Variants in C9orf152 observed in about 807,000 individuals in gnomAD.
C9orf152 encodes chromosome 9 open reading frame 152.
In C9orf152, 8 loss-of-function variants were observed where a neutral mutation model predicts 8.5. The observed-to-expected ratio is 0.94, with a 90% CI of 0.55 to 1.70. The LOEUF is 1.70. C9orf152 is among the 40% of genes most tolerant of loss of function. C9orf152 has a pLI of 0.00. For missense variants in C9orf152, 293 were observed against 286.2 expected (o/e 1.02, Z -0.17); for synonymous variants, 109 against 113.0 (o/e 0.96, Z 0.22).
At chr9:110,205,084 T>C (rs1837259472) in intron 1 of C9orf152, among the ~76,000 whole-genome samples, 1 of 152,216 alleles carries the variant, frequency 6.6e-6, no homozygotes, top group African/African-American at 2.4e-5. Flanking sequence ...CAGTTTCTTA[T>C]CAATTTACAC....
At chr9:110,201,646 A>T (rs570450829) in intron 1 of C9orf152, among the ~76,000 whole-genome samples, 172 bp from the exon 2 acceptor site, 2 of 152,274 alleles carry the variant, frequency 1.3e-5, no homozygotes, top group East Asian at 3.9e-4. Flanking sequence ...GCTCACACAC[A>T]TGCCCTTTTA....
At position 110,201,307 on chromosome 9, in the gene C9orf152, G is replaced by A; in HGVS notation, c.361C>T (p.Leu121=). The change falls in exon 2 of 2, where the codon CTG becomes TTG. Residue 121 remains leucine (L), a synonymous_variant. Transcript: ENST00000400613. Reference sequence around the variant, plus strand: ...GTTTGGACCAAACAATGCATCTCCAGGTGCGTGTGCCATGGAGACTTGGGG... The same window carrying A: ...GTTTGGACCAAACAATGCATCTCCAAGTGCGTGTGCCATGGAGACTTGGGG... ...QAPKSPWHTH[L]EMHCLVQTSP... is the part of the protein sequence containing the mutation. The A allele has an allele frequency of 6.2e-7, 1 of 1,613,822 alleles. No homozygotes were observed. Among genetic ancestry groups the A allele is most frequent in the Non-Finnish European group, 8.5e-7 (1 of 1,179,850 alleles).
rs1837206955 is a variant in C9orf152 at position 110,200,821 on chromosome 9, A to G, written c.*127T>C. 4 of 961,554 alleles carry G rather than the reference A, an allele frequency of 4.2e-6. No individual in the cohort carries two copies. The highest frequency in any genetic ancestry group is 6.3e-6 in the Non-Finnish European group (4 of 639,908). 59.6% of individuals were successfully genotyped at this position (961,554 alleles called of 1,614,324 possible). A position where few individuals can be genotyped will look rare whatever the true frequency, so the allele number is the denominator to read the frequency against. ...ACCATTGTGAAGTTCGTCTCCCACA[A>G]TTCCTATAATTAGGTTAGTCCAGTT... On this transcript the variant is annotated 3_prime_UTR_variant, in exon 2 of 2. Coordinates refer to ENST00000400613, the MANE Select transcript of C9orf152 (RefSeq NM_001012993.3).
In C9orf152 at chr9:110,201,327, T is replaced by G. The variant is rs573275088; in HGVS notation, c.341A>C (p.Lys114Thr). 1.9e-6 allele frequency: 3 copies of G among 1,612,904 alleles called. No homozygotes were observed. In the South Asian group the frequency reaches 3.3e-5, roughly 18 times the overall value. ...EAAQGCLQAP[K>T]SPWHTHLEMH... ...CTCCAGGTGCGTGTGCCATGGAGAC[T>G]TGGGGGCCTGAAGGCAGCCCTGGGC... Residue 114 changes from lysine to threonine, a missense_variant, in exon 2 of 2, where the codon AAG (lysine) becomes ACG (threonine). Physicochemically the swap from Lys to Thr is moderately conservative, Grantham distance 78. Coordinates refer to ENST00000400613, the MANE Select transcript of C9orf152 (RefSeq NM_001012993.3).
chr9:110,203,705 G>C (rs1421294504), intron 1 of C9orf152, among the ~76,000 whole-genome samples: 1 of 152,168 alleles, frequency 6.6e-6, no homozygotes, highest in Admixed American at 6.5e-5. Context: ...TTTGGTTTTG[G>C]TAAGTCAGGG....
At chr9:110,207,356 C>T (rs568711459) in intron 1 of C9orf152, 31 bp downstream of exon 1, 2 of 1,599,538 alleles carry the variant, frequency 1.3e-6, no homozygotes, top group African/African-American at 2.7e-5. Context: ...CATGGTAAGT[C>T]TCTCCTTCCC....
chr9:110,201,318 C>G lies in C9orf152; in HGVS notation c.350G>C (p.Trp117Ser), dbSNP rs747244822. The change falls in exon 2 of 2, where the codon TGG becomes TCG. Residue 117 changes from tryptophan to serine, a missense_variant. Physicochemically the swap from Trp to Ser is radical, Grantham distance 177. Coordinates refer to ENST00000400613, the MANE Select transcript of C9orf152 (RefSeq NM_001012993.3). ...QGCLQAPKSP[W>S]HTHLEMHCLV... Reference sequence around the variant, plus strand: ...ACAATGCATCTCCAGGTGCGTGTGCCATGGAGACTTGGGGGCCTGAAGGCA... The same window carrying G: ...ACAATGCATCTCCAGGTGCGTGTGCGATGGAGACTTGGGGGCCTGAAGGCA... 1.2e-6 allele frequency: 2 copies of G among 1,613,130 alleles called. No homozygotes were observed. The highest frequency in any genetic ancestry group is 2.7e-5 in the African/African-American group (2 of 74,894).
Position 110,200,210 on chromosome 9 carries a change from C to CGG in C9orf152, c.*737_*738insCC. 1 of 23,268 alleles carries CGG rather than the reference C, an allele frequency of 4.3e-5. No individual in the cohort carries two copies. The highest frequency in any genetic ancestry group is 1.1e-4 in the Non-Finnish European group (1 of 8,886). 1.4% of individuals were successfully genotyped at this position (23,268 alleles called of 1,614,324 possible). On this transcript the variant is annotated 3_prime_UTR_variant, in exon 2 of 2. Coordinates refer to ENST00000400613, the MANE Select transcript of C9orf152 (RefSeq NM_001012993.3). The stretch of plus-strand genomic sequence containing the variant: ...AGGAAGGGAGGGAGGGAGGGAGAGA[C>CGG]AGAAGGAAGGAAGGAAGGAAGGAAG...
chr9:110,207,662 A>C lies in C9orf152; in HGVS notation c.-83T>G, dbSNP rs1419038545. On this transcript the variant is annotated 5_prime_UTR_variant, in exon 1 of 2. Transcript: ENST00000400613. ...GAGAGGGAGGGGGCAGTGAGGGAGAAGGAGAAGTGACGGGCAAAAGGAGGG... is the reference window on the plus strand; with the variant it reads ...GAGAGGGAGGGGGCAGTGAGGGAGACGGAGAAGTGACGGGCAAAAGGAGGG... The C allele has an allele frequency of 9.2e-7, 1 of 1,089,152 alleles. No homozygotes were observed. Among genetic ancestry groups the C allele is most frequent in the African/African-American group, 1.6e-5 (1 of 61,664 alleles). The allele number at this position is 1,089,152 out of a possible 1,614,324, so 67.5% of individuals were successfully genotyped here. A position where few individuals can be genotyped will look rare whatever the true frequency, so the allele number is the denominator to read the frequency against.
At position 110,207,487 on chromosome 9, in the gene C9orf152, AGGGGCCTGAGTCCT is replaced by A; in HGVS notation, c.79_92del (p.Arg27TrpfsTer16). Reference sequence around the variant, plus strand: ...GGATGCTGAGTGGGGGCCCTTTCCCAGGGGCCTGAGTCCTGGAGCCCTCAGCCATTAAGTGAGAC... The same window carrying A: ...GGATGCTGAGTGGGGGCCCTTTCCCAGGAGCCCTCAGCCATTAAGTGAGAC... On this transcript the variant is annotated frameshift_variant, in exon 1 of 2. Coordinates refer to ENST00000400613, the MANE Select transcript of C9orf152 (RefSeq NM_001012993.3). LOFTEE classifies it high-confidence loss of function. The A allele has an allele frequency of 1.2e-6, 2 of 1,613,254 alleles. No individual in the cohort carries two copies. Among genetic ancestry groups the A allele is most frequent in the Non-Finnish European group, 1.7e-6 (2 of 1,179,684 alleles).
intron 1 of C9orf152, among the ~76,000 whole-genome samples, chr9:110,202,308 C>T (rs934711250): frequency 1.3e-5 from 2 of 152,188 alleles, no homozygotes; most frequent in African/African-American, 4.8e-5. Flanking sequence ...GTCTTGAACT[C>T]CTGACCTCAA....
At chr9:110,202,228 C>T (rs1837232199) in intron 1 of C9orf152, among the ~76,000 whole-genome samples, 1 of 152,144 alleles carries the variant, frequency 6.6e-6, no homozygotes, top group Non-Finnish European at 1.5e-5. Context: ...TTACAAGGCA[C>T]CTGCCACCAT....
At chr9:110,205,134 C>T (rs1463827532) in intron 1 of C9orf152, among the ~76,000 whole-genome samples, 1 of 152,186 alleles carries the variant, frequency 6.6e-6, no homozygotes, top group Non-Finnish European at 1.5e-5. Flanking sequence ...ATGGCTTCAG[C>T]TACCATCTAT....
At position 110,200,222 on chromosome 9, in the gene C9orf152, A is replaced by C. The variant is rs1264213953; in HGVS notation, c.*726T>G. ...AGGGAGGGAGAGACAGAAGGAAGGA[A>C]GGAAGGAAGGAAGGAAGGAAGGAAG... On this transcript the variant is annotated 3_prime_UTR_variant, in exon 2 of 2. Transcript: ENST00000400613. 3.2e-5 allele frequency: 4 copies of C among 123,810 alleles called. No individual in the cohort carries two copies. The highest frequency in any genetic ancestry group is 1.1e-4 in the African/African-American group (4 of 35,468). The allele number at this position is 123,810 out of a possible 1,614,324, so 7.7% of individuals were successfully genotyped here.
At chr9:110,203,397 G>A (rs772577233) in intron 1 of C9orf152, among the ~76,000 whole-genome samples, 1 of 152,202 alleles carries the variant, frequency 6.6e-6, no homozygotes, top group African/African-American at 2.4e-5. Flanking sequence ...CACAATGGGA[G>A]AACCTAGAAA....
chr9:110,201,063 A>G lies in C9orf152; in HGVS notation c.605T>C (p.Leu202Pro). ...SGLKFSTQCPLSIKNPHRSGK... is the reference protein window; with the variant it reads ...SGLKFSTQCPPSIKNPHRSGK... Reference sequence around the variant, plus strand: ...AGACCTGTGTGGGTTCTTTATGGAAAGAGGACATTGAGTGCTGAATTTTAA... The same window carrying G: ...AGACCTGTGTGGGTTCTTTATGGAAGGAGGACATTGAGTGCTGAATTTTAA... The change falls in exon 2 of 2, where the codon CTT becomes CCT. Residue 202 changes from leucine to proline, a missense_variant. Transcript: ENST00000400613. The G allele has an allele frequency of 6.2e-7, 1 of 1,614,230 alleles. No individual in the cohort carries two copies. The highest frequency in any genetic ancestry group is 1.3e-5 in the African/African-American group (1 of 75,064).
chr9:110,204,457 C>G (rs1837254023), intron 1 of C9orf152, among the ~76,000 whole-genome samples: 1 of 152,162 alleles, frequency 6.6e-6, no homozygotes, highest in Non-Finnish European at 1.5e-5. Flanking sequence ...TGACTTCTAG[C>G]TTTAGTAGGA....
Position 110,207,490 on chromosome 9 carries a change from G to C in C9orf152, c.90C>G (p.Ala30=). Residue 30 remains alanine, a synonymous_variant, in exon 1 of 2, where the codon GCC becomes GCG. Coordinates refer to ENST00000400613, the MANE Select transcript of C9orf152 (RefSeq NM_001012993.3). ...TGCTGAGTGGGGGCCCTTTCCCAGG[G>C]GCCTGAGTCCTGGAGCCCTCAGCCA... is the stretch of plus-strand genomic sequence containing the variant. ...HLMAEGSRTQ[A]PGKGPPLSIQ... 1 of 1,613,338 alleles carries C rather than the reference G, an allele frequency of 6.2e-7. No homozygotes were observed. Among genetic ancestry groups the C allele is most frequent in the South Asian group, 1.1e-5 (1 of 90,944 alleles).
Position 110,201,256 on chromosome 9 carries a change from C to T in C9orf152, c.412G>A (p.Val138Ile). Residue 138 changes from valine to isoleucine, a missense_variant, in exon 2 of 2, where the codon GTA becomes ATA. Coordinates refer to ENST00000400613, the MANE Select transcript of C9orf152 (RefSeq NM_001012993.3). ...QTSPQDTSHQ[V>I]HHRGKLVGSD... ...CCCACAAGCTTGCCCCTATGATGTA[C>T]TTGATGACTGGTGTCCTGGGGGGAG... 1 of 1,614,120 alleles carries T rather than the reference C, an allele frequency of 6.2e-7. No individual in the cohort carries two copies. The highest frequency in any genetic ancestry group is 8.5e-7 in the Non-Finnish European group (1 of 1,180,036).
Sources: gnomAD v4.1 joint callset for allele counts (sites outside exome capture counted in the v4.1 genomes callset) on GRCh38, gnomAD v4.1.1 for gene constraint, MANE v1.5 for transcripts, NCBI Gene and HGNC (gene_info 2026-07-23, HGNC 2026-07-21) for gene names.